Variants in PLEKHA5 observed in about 807,000 individuals in gnomAD.
The protein encoded by PLEKHA5 is pleckstrin homology domain-containing family A member 5.
PLEKHA5 carries 55 observed loss-of-function variants against 181.9 expected under a neutral mutation model. The ratio of observed to expected loss-of-function variants is 0.30; its 90% CI spans 0.24 to 0.38. The LOEUF (loss-of-function observed/expected upper bound fraction) is 0.38. Ranked by LOEUF, PLEKHA5 falls within the 10% of genes least tolerant of loss-of-function variation. The pLI is 1.00. For missense variants in PLEKHA5, 1,432 were observed against 1,549.5 expected, an observed-to-expected ratio of 0.92 and a Z score of 1.27; for synonymous variants, 535 against 529.4, an observed-to-expected ratio of 1.01 and a Z score of -0.15.
chr12:19,186,666 A>AGCT (rs2049933096), intron 3 of PLEKHA5, among the ~76,000 whole-genome samples: 1 of 152,104 alleles, frequency 6.6e-6, no homozygotes, highest in Admixed American at 6.5e-5. Context: ...ACTGACCCAA[A>AGCT]GCTCTCAACC....
chr12:19,220,810 A>G (rs1284251486), intron 3 of PLEKHA5, among the ~76,000 whole-genome samples: 2 of 152,196 alleles, frequency 1.3e-5, no homozygotes, highest in East Asian at 1.9e-4. Context: ...TCTGAACTCA[A>G]TAAGAAAACA....
intron 3 of PLEKHA5, among the ~76,000 whole-genome samples, chr12:19,147,796 G>T (rs1057150027): frequency 6.6e-6 from 1 of 152,128 alleles, no homozygotes; most frequent in African/African-American, 2.4e-5. Context: ...GAGTGCAGTG[G>T]CATGATCAGA....
At chr12:19,359,843 G>C (rs1261117364) in intron 28 of PLEKHA5, among the ~76,000 whole-genome samples, 1 of 151,946 alleles carries the variant, frequency 6.6e-6, no homozygotes, top group Admixed American at 6.6e-5. Flanking sequence ...GCAGGCTCCT[G>C]TAGTCCCAGC....
intron 3 of PLEKHA5, chr12:19,200,295 A>G: frequency 6.7e-7 from 1 of 1,502,170 alleles, no homozygotes; most frequent in Non-Finnish European, 8.9e-7. Context: ...TAAACATTAA[A>G]ACAATTTTTT....
At chr12:19,147,282 C>T (rs1293700004) in intron 3 of PLEKHA5, 1 of 152,096 alleles carries the variant, frequency 6.6e-6, no homozygotes, top group Non-Finnish European at 1.5e-5. Flanking sequence ...TTAAGAAAGC[C>T]TTGTGACTTA....
intron 3 of PLEKHA5, among the ~76,000 whole-genome samples, chr12:19,142,770 A>G (rs1032049471): frequency 1.3e-5 from 2 of 152,156 alleles, no homozygotes; most frequent in African/African-American, 2.4e-5. Context: ...TTCATCTTCT[A>G]TAAGTGTAAC....
At chr12:19,198,299 A>G (rs886706075) in intron 3 of PLEKHA5, among the ~76,000 whole-genome samples, 20 of 152,266 alleles carry the variant, frequency 1.3e-4, no homozygotes, top group African/African-American at 4.8e-4. Flanking sequence ...TCACCCTACC[A>G]TACTCTAGTC....
intron 3 of PLEKHA5, among the ~76,000 whole-genome samples, chr12:19,190,950 C>G (rs1379320450): frequency 6.6e-6 from 1 of 152,182 alleles, no homozygotes; most frequent in Admixed American, 6.5e-5. Flanking sequence ...GGAACATGAG[C>G]TGGCAGCTAA....
chr12:19,260,466 A>G (rs919382744), intron 6 of PLEKHA5, among the ~76,000 whole-genome samples: 3 of 152,188 alleles, frequency 2.0e-5, no homozygotes, highest in African/African-American at 7.2e-5. Context: ...AGTTGGGAAT[A>G]TCTAAGGCCC....
chr12:19,221,078 A>C (rs2058861636), intron 3 of PLEKHA5, among the ~76,000 whole-genome samples: 1 of 152,174 alleles, frequency 6.6e-6, no homozygotes, highest in African/African-American at 2.4e-5. Context: ...ATTGGAAGAC[A>C]TTTTGGCAGT....
At chr12:19,359,038 C>A (rs2095091664) in intron 27 of PLEKHA5, among the ~76,000 whole-genome samples, 1 of 152,136 alleles carries the variant, frequency 6.6e-6, no homozygotes. Flanking sequence ...TGTCACCTAG[C>A]AATAGTATCT....
chr12:19,198,792 G>A (rs755457499), intron 3 of PLEKHA5, among the ~76,000 whole-genome samples: 1 of 152,120 alleles, frequency 6.6e-6, no homozygotes, highest in Non-Finnish European at 1.5e-5. Context: ...GGAAAGGAGC[G>A]CTAAGAAATA....
At chr12:19,289,625 A>G (rs192368054) in intron 13 of PLEKHA5, among the ~76,000 whole-genome samples, 5 of 152,316 alleles carry the variant, frequency 3.3e-5, no homozygotes, top group African/African-American at 1.2e-4. Context: ...TTCTAAGAAA[A>G]GTATATTAAA....
intron 15 of PLEKHA5, among the ~76,000 whole-genome samples, chr12:19,314,131 G>T (rs1016399133): frequency 1.3e-5 from 2 of 152,052 alleles, no homozygotes; most frequent in Non-Finnish European, 2.9e-5. Flanking sequence ...TTTTCTAGAG[G>T]CAGTAATTAA....
At chr12:19,199,365 T>C (rs1197851101) in intron 3 of PLEKHA5, among the ~76,000 whole-genome samples, 2 of 152,208 alleles carry the variant, frequency 1.3e-5, no homozygotes, top group African/African-American at 2.4e-5. Flanking sequence ...CAACATGTAG[T>C]GTCATTACTT....
At chr12:19,369,031 T>TTTG (rs954426989) in intron 30 of PLEKHA5, among the ~76,000 whole-genome samples, 5 of 151,982 alleles carry the variant, frequency 3.3e-5, no homozygotes, top group Non-Finnish European at 7.4e-5. Flanking sequence ...TTGTTTGTTT[T>TTTG]TTGTTGTTGT....
At chr12:19,222,323 G>T (rs573858847) in intron 3 of PLEKHA5, among the ~76,000 whole-genome samples, 2 of 152,120 alleles carry the variant, frequency 1.3e-5, no homozygotes, top group African/African-American at 4.8e-5. Flanking sequence ...TGTAATTTCT[G>T]TTTTATGCTT....
intron 12 of PLEKHA5, 76 bp from the exon 13 acceptor site, chr12:19,287,397 A>G: frequency 1.2e-6 from 1 of 822,340 alleles, no homozygotes; most frequent in Non-Finnish European, 2.1e-6. Flanking sequence ...ATAGGAATTT[A>G]AGATTTCTCC....
intron 21 of PLEKHA5, among the ~76,000 whole-genome samples, chr12:19,340,532 AT>A (rs2093815317): frequency 6.7e-6 from 1 of 149,478 alleles, no homozygotes; most frequent in African/African-American, 2.4e-5. Context: ...TGGGGAAAAG[AT>A]TGAGAAATCG....
Sources: allele counts gnomAD v4.1 joint callset (sites outside exome capture counted in the v4.1 genomes callset), GRCh38; gene constraint gnomAD v4.1.1; transcripts MANE v1.5; gene names NCBI Gene and HGNC (gene_info 2026-07-23, HGNC 2026-07-21).